Variants in ELL observed in about 807,000 individuals in gnomAD.
The protein encoded by ELL is elongation factor for RNA polymerase II.
Under a neutral mutation model 64.0 loss-of-function variants are expected in ELL, and 18 were observed. That is an observed-to-expected ratio of 0.28 (90% CI 0.19 to 0.42). ELL has a LOEUF of 0.42. Among genes scored for constraint, ELL ranks in the 10% least tolerant of loss-of-function variants. ELL has a pLI of 1.00. For missense variants in ELL, 797 were observed against 870.4 expected (o/e 0.92, Z 1.06); for synonymous variants, 399 against 376.2 (o/e 1.06, Z -0.70).
At chr19:18,509,975 G>T (rs78854829) in intron 1 of ELL, among the ~76,000 whole-genome samples, 1,844 of 152,326 alleles carry the variant, frequency 0.012, 35 homozygotes, top group African/African-American at 0.04. Context: ...GGGCCCTGAA[G>T]CCTCAGTACC....
At chr19:18,461,297 G>A (rs186978207) in intron 5 of ELL, among the ~76,000 whole-genome samples, 102 of 152,362 alleles carry the variant, frequency 6.7e-4, no homozygotes, top group African/African-American at 2.4e-3. Context: ...CCCACGGCCC[G>A]TGTGTCAGCA....
At chr19:18,479,141 T>C (rs1036651067) in intron 1 of ELL, among the ~76,000 whole-genome samples, 4 of 152,122 alleles carry the variant, frequency 2.6e-5, no homozygotes, top group African/African-American at 7.2e-5. Flanking sequence ...CACGAGGCAA[T>C]GTCTGGAGCC....
intron 4 of ELL, among the ~76,000 whole-genome samples, chr19:18,462,179 AGTGTGTGTGTGT>A (rs758119031): frequency 3.3e-4 from 40 of 120,044 alleles, no homozygotes; most frequent in Admixed American, 1.1e-3. Context: ...TCTGGTGGGC[AGTGTGTGTGTGT>A]GTGTGTGTGT....
At chr19:18,496,807 T>C (rs984388552) in intron 1 of ELL, among the ~76,000 whole-genome samples, 2 of 152,178 alleles carry the variant, frequency 1.3e-5, no homozygotes, top group African/African-American at 4.8e-5. Context: ...ATCACTTCAA[T>C]AATATAAAAA....
chr19:18,522,049 C>T lies in ELL; in HGVS notation c.7G>A (p.Ala3Thr), dbSNP rs773129511. 2.9e-5 allele frequency: 47 copies of T among 1,603,358 alleles called. No individual in the cohort carries two copies. The highest frequency in any genetic ancestry group is 3.9e-5 in the Non-Finnish European group (46 of 1,173,940). The part of the protein sequence containing the change: MA[A>T]LKEDRSYGLS... ...CCGTAGCTCCTATCCTCCTTCAGCGCCGCCATCTTGCGACCATCTCTCCCC... is the reference window on the plus strand; with the variant it reads ...CCGTAGCTCCTATCCTCCTTCAGCGTCGCCATCTTGCGACCATCTCTCCCC... The change falls in exon 1 of 12, where the codon GCG becomes ACG. Residue 3 changes from alanine (A) to threonine (T), a missense_variant. By Grantham distance (58) the Ala-to-Thr change is moderately conservative. Transcript: ENST00000262809.
At chr19:18,476,736 G>C (rs1172470849) in intron 1 of ELL, among the ~76,000 whole-genome samples, 1 of 152,196 alleles carries the variant, frequency 6.6e-6, no homozygotes, top group African/African-American at 2.4e-5. Context: ...ATCATGGCCA[G>C]GCTCCCAGCC....
At chr19:18,451,153 C>T (rs1674678813) in intron 7 of ELL, among the ~76,000 whole-genome samples, 178 bp from the exon 8 acceptor site, 1 of 152,186 alleles carries the variant, frequency 6.6e-6, no homozygotes, top group Non-Finnish European at 1.5e-5. Context: ...CAGCTGGGGC[C>T]CATCAGCCTG....
chr19:18,443,958 C>G lies in ELL; in HGVS notation c.*794G>C. On this transcript the variant is annotated 3_prime_UTR_variant, in exon 12 of 12. Coordinates refer to ENST00000262809, the MANE Select transcript of ELL (RefSeq NM_006532.4). ...GAGGACATCGCAAAGAAAAGTCTGA[C>G]GCCGCTGCGGCCGAGTCTCAACTTG... The G allele has an allele frequency of 4.3e-6, 1 of 232,638 alleles. No individual in the cohort carries two copies. Among genetic ancestry groups the G allele is most frequent in the East Asian group, 6.1e-5 (1 of 16,488 alleles). 14.4% of individuals were successfully genotyped at this position (232,638 alleles called of 1,614,324 possible).
chr19:18,468,332 C>A (rs1326262471), intron 2 of ELL, among the ~76,000 whole-genome samples: 3 of 152,236 alleles, frequency 2.0e-5, no homozygotes, highest in Non-Finnish European at 4.4e-5. Flanking sequence ...ATGTGGGTGA[C>A]CCTGGCCATC....
intron 5 of ELL, among the ~76,000 whole-genome samples, chr19:18,460,491 T>A (rs1004333601): frequency 3.3e-5 from 5 of 152,158 alleles, no homozygotes; most frequent in Admixed American, 6.5e-5. Context: ...GTCCCACATC[T>A]GATGACTCCA....
intron 1 of ELL, among the ~76,000 whole-genome samples, chr19:18,493,562 C>T (rs1369303208): frequency 6.6e-6 from 1 of 152,272 alleles, no homozygotes; most frequent in African/African-American, 2.4e-5. Flanking sequence ...CTCTCAACCT[C>T]TGACCCATAC....
chr19:18,446,568 T>C, intron 9 of ELL, 88 bp from the exon 10 acceptor site: 1 of 1,537,192 alleles, frequency 6.5e-7, no homozygotes. Flanking sequence ...ACCGGCGGCC[T>C]GGCCTCTCGG....
chr19:18,445,006 G>A, intron 11 of ELL, 138 bp from the exon 12 acceptor site: 1 of 1,107,198 alleles, frequency 9.0e-7, no homozygotes, highest in Non-Finnish European at 1.3e-6. Context: ...AGGGCAGAGT[G>A]GGAGTTGGTC....
rs539756700 is a variant in ELL, at chr19:18,449,960, C to T, written c.1465+517G>A. Among the ~76,000 whole-genome samples the T allele has an allele frequency of 4.0e-5, 6 of 148,330 alleles. No homozygotes were observed. Among genetic ancestry groups the T allele is most frequent in the Admixed American group, 2.6e-4 (4 of 15,124 alleles). On this transcript the variant is annotated intron_variant, in intron 8 of 11. Transcript: ENST00000262809. This position sits in a 1 kb window ranked among gnomAD's most constrained non-coding sequence, Gnocchi z 4.4. Reference sequence around the variant, plus strand: ...GCCCTGTCCCCACAGCAGAAACCTACAGTCCACAACAGTCGCACGGTGCCT... The same window carrying T: ...GCCCTGTCCCCACAGCAGAAACCTATAGTCCACAACAGTCGCACGGTGCCT...
chr19:18,463,224 C>A (rs559892815), intron 4 of ELL, among the ~76,000 whole-genome samples: 51 of 151,874 alleles, frequency 3.4e-4, no homozygotes, highest in African/African-American at 1.2e-3. Context: ...GGGGTCCTGA[C>A]AGCAGGGCTG....
chr19:18,456,820 C>T (rs969166388), intron 6 of ELL, among the ~76,000 whole-genome samples: 4 of 152,118 alleles, frequency 2.6e-5, no homozygotes, highest in African/African-American at 7.2e-5. Flanking sequence ...ATCTGTCTCA[C>T]GGCCTGCACT....
chr19:18,495,720 C>T (rs537855220), intron 1 of ELL, among the ~76,000 whole-genome samples: 2 of 152,336 alleles, frequency 1.3e-5, no homozygotes, highest in Admixed American at 6.5e-5. Context: ...GCCCCCTGTA[C>T]GAGTGGCCAC....
At chr19:18,473,747 A>G (rs1975114446) in intron 1 of ELL, among the ~76,000 whole-genome samples, 1 of 151,456 alleles carries the variant, frequency 6.6e-6, no homozygotes, top group African/African-American at 2.4e-5. Flanking sequence ...TCAGTGTCCC[A>G]GATGCTACCC....
chr19:18,491,839 C>G (rs1248614059), intron 1 of ELL, among the ~76,000 whole-genome samples: 1 of 152,146 alleles, frequency 6.6e-6, no homozygotes, highest in South Asian at 2.1e-4. Flanking sequence ...ATTGCTTGAG[C>G]CTGGGAGGTT....
Sources: gnomAD v4.1 joint callset for allele counts (sites outside exome capture counted in the v4.1 genomes callset) on GRCh38, gnomAD v4.1.1 for gene constraint, Gnocchi (gnomAD v3.1) non-coding constraint, MANE v1.5 for transcripts, NCBI Gene and HGNC (gene_info 2026-07-23, HGNC 2026-07-21) for gene names.